The following PARD3 variants were observed in gnomAD, a reference collection of about 807,000 sequenced individuals.
PARD3 encodes partitioning defective 3 homolog.
In PARD3, 75 loss-of-function variants were observed where a neutral mutation model predicts 155.4. The ratio of observed to expected loss-of-function variants is 0.48; its 90% CI spans 0.40 to 0.58. PARD3 has a LOEUF of 0.58. Ranked by LOEUF, PARD3 falls within the 20% of genes least tolerant of loss-of-function variation. The probability of loss-of-function intolerance (pLI) is 0.00; values close to 1 mark genes in which losing one functional copy is unlikely to be tolerated. For synonymous variants in PARD3, 576 were observed against 610.5 expected (o/e 0.94, Z 0.83); for missense variants, 1,642 against 1,721.7 (o/e 0.95, Z 0.82).
chr10:34,335,471 AC>A (rs1836075054), intron 18 of PARD3, among the ~76,000 whole-genome samples: 1 of 152,040 alleles, frequency 6.6e-6, no homozygotes, highest in African/African-American at 2.4e-5. Flanking sequence ...AAGCACGTTA[AC>A]TACACTTAAA....
intron 24 of PARD3, among the ~76,000 whole-genome samples, chr10:34,115,472 G>A (rs189907496): frequency 4.3e-4 from 65 of 152,156 alleles, no homozygotes; most frequent in African/African-American, 1.3e-3. Context: ...ATGTCAAAGG[G>A]TACAAATCTC....
At chr10:34,760,575 G>A (rs1837322681) in intron 1 of PARD3, among the ~76,000 whole-genome samples, 1 of 152,126 alleles carries the variant, frequency 6.6e-6, no homozygotes, top group South Asian at 2.1e-4. Context: ...CAAGTGATCT[G>A]CCCGCCTCAG....
At chr10:34,444,126 T>C (rs2076614359) in intron 5 of PARD3, among the ~76,000 whole-genome samples, 1 of 152,208 alleles carries the variant, frequency 6.6e-6, no homozygotes, top group Admixed American at 6.5e-5. Context: ...GTCATTCCCC[T>C]ATAACAGAGC....
intron 14 of PARD3, among the ~76,000 whole-genome samples, chr10:34,358,269 T>C (rs1300355790): frequency 6.6e-6 from 1 of 152,188 alleles, no homozygotes; most frequent in East Asian, 1.9e-4. Flanking sequence ...TGTCCTATTA[T>C]ACAACAAAGT....
intron 22 of PARD3, among the ~76,000 whole-genome samples, chr10:34,179,748 G>A (rs1398721426): frequency 6.6e-6 from 1 of 152,040 alleles, no homozygotes; most frequent in Admixed American, 6.6e-5. Flanking sequence ...TGAGTCCAAG[G>A]TAAAAAAGCA....
At chr10:34,705,348 C>T (rs956937684) in intron 1 of PARD3, among the ~76,000 whole-genome samples, 1 of 152,010 alleles carries the variant, frequency 6.6e-6, no homozygotes, top group African/African-American at 2.4e-5. Flanking sequence ...ATTAGCTGGG[C>T]ATGGTGGTGT....
Position 34,516,758 on chromosome 10 carries a change from G to A in PARD3, c.403+221C>T, listed in dbSNP as rs530972882. Among the ~76,000 whole-genome samples the A allele has an allele frequency of 1.5e-4, 23 of 152,272 alleles. No individual in the cohort carries two copies. The South Asian group carries it at 1.7e-3, about 11-fold the overall frequency. On this transcript the variant is annotated intron_variant, in intron 3 of 24. Transcript: ENST00000374788. ...ACTATTGTCCTTATTTACAGTTAGCGAGTCACGGAAAGTCTACTAGTCGAA... is the reference window on the plus strand; with the variant it reads ...ACTATTGTCCTTATTTACAGTTAGCAAGTCACGGAAAGTCTACTAGTCGAA...
chr10:34,704,108 A>T (rs2094327083), intron 1 of PARD3, among the ~76,000 whole-genome samples: 1 of 152,214 alleles, frequency 6.6e-6, no homozygotes, highest in South Asian at 2.1e-4. Context: ...CCTGGAGCAG[A>T]GTGACCAGTC....
intron 1 of PARD3, among the ~76,000 whole-genome samples, chr10:34,771,315 T>C (rs1838829576): frequency 6.6e-6 from 1 of 152,184 alleles, no homozygotes. Flanking sequence ...TGACTCAACA[T>C]TGCTCAGCCT....
intron 2 of PARD3, among the ~76,000 whole-genome samples, chr10:34,548,194 A>T (rs1384018840): frequency 6.6e-6 from 1 of 152,208 alleles, no homozygotes; most frequent in Non-Finnish European, 1.5e-5. Context: ...CCACTGTTTA[A>T]AATAGTATGG....
intron 1 of PARD3, among the ~76,000 whole-genome samples, chr10:34,756,882 C>G (rs946400152): frequency 7.9e-5 from 12 of 152,300 alleles, no homozygotes; most frequent in African/African-American, 2.9e-4. Context: ...ATTTTTCAAC[C>G]ACTGCTTTCT....
At chr10:34,613,428 G>A (rs1266040857) in intron 2 of PARD3, among the ~76,000 whole-genome samples, 1 of 152,138 alleles carries the variant, frequency 6.6e-6, no homozygotes, top group African/African-American at 2.4e-5. Context: ...GTGCAATTAC[G>A]AAGTATATCT....
intron 20 of PARD3, among the ~76,000 whole-genome samples, chr10:34,306,818 G>C (rs947534539): frequency 2.6e-5 from 4 of 152,128 alleles, no homozygotes; most frequent in African/African-American, 9.7e-5. Context: ...CTGGTATGAA[G>C]ACTTGTCATA....
intron 22 of PARD3, among the ~76,000 whole-genome samples, chr10:34,231,114 TTGTCA>T (rs1458829041): frequency 1.3e-5 from 2 of 151,884 alleles, no homozygotes; most frequent in Non-Finnish European, 2.9e-5. Context: ...ATTTCTCAGT[TTGTCA>T]TATTTGTTTT....
intron 5 of PARD3, among the ~76,000 whole-genome samples, chr10:34,422,825 G>C (rs1298630631): frequency 6.6e-6 from 1 of 152,142 alleles, no homozygotes; most frequent in Non-Finnish European, 1.5e-5. Flanking sequence ...CTTGCATTCT[G>C]TTGGTGTGAA....
At chr10:34,451,938 G>A (rs1192309257) in intron 4 of PARD3, among the ~76,000 whole-genome samples, 1 of 151,946 alleles carries the variant, frequency 6.6e-6, no homozygotes, top group Non-Finnish European at 1.5e-5. Context: ...TCATATGATA[G>A]TCCATAGATA....
At chr10:34,119,541 A>G in intron 24 of PARD3, 72 bp downstream of exon 24, 1 of 1,444,764 alleles carries the variant, frequency 6.9e-7, no homozygotes, top group South Asian at 1.4e-5. Context: ...CTTGGGAAGG[A>G]GCGCGTTCCT....
intron 5 of PARD3, among the ~76,000 whole-genome samples, chr10:34,414,669 A>G (rs1845481181): frequency 6.6e-6 from 1 of 152,176 alleles, no homozygotes; most frequent in Non-Finnish European, 1.5e-5. Flanking sequence ...AAAAATTAAA[A>G]GAAAAAAATA....
intron 2 of PARD3, among the ~76,000 whole-genome samples, chr10:34,630,313 G>A (rs1034355533): frequency 1.3e-5 from 2 of 152,200 alleles, no homozygotes; most frequent in East Asian, 1.9e-4. Flanking sequence ...CTGCCCAGAT[G>A]TGGCAGAGAC....
Sources: gnomAD v4.1 joint callset for allele counts (sites outside exome capture counted in the v4.1 genomes callset) on GRCh38, gnomAD v4.1.1 for gene constraint, MANE v1.5 for transcripts, NCBI Gene and HGNC (gene_info 2026-07-23, HGNC 2026-07-21) for gene names.